CDC73: variants seen among roughly 807,000 people sequenced by gnomAD.
The protein encoded by CDC73 is cell division cycle 73.
Under a neutral mutation model 83.7 loss-of-function variants are expected in CDC73, and 21 were observed. That is an observed-to-expected ratio of 0.25 (90% CI 0.18 to 0.36). The LOEUF (loss-of-function observed/expected upper bound fraction) is 0.36, where lower values mean the gene tolerates loss of function less well. CDC73 is among the 10% of genes least tolerant of loss of function. The probability of loss-of-function intolerance (pLI) is 1.00; values close to 1 mark genes in which losing one functional copy is unlikely to be tolerated. For synonymous variants in CDC73, 224 were observed against 212.9 expected, an observed-to-expected ratio of 1.05 and a Z score of -0.45; for missense variants, 342 against 653.3, an observed-to-expected ratio of 0.52 and a Z score of 5.19.
rs977474352 is a variant in CDC73 at position 193,252,559 on chromosome 1, T to A, written c.*1847T>A. ...TTTATTTTTCTATTTTGAATTTGCC[T>A]TATGTATATTCAAAGGCTTATGGAA... On this transcript the variant is annotated 3_prime_UTR_variant, in exon 17 of 17. Transcript: ENST00000367435. 8.7e-6 allele frequency: 2 copies of A among 230,804 alleles called. No homozygotes were observed. The highest frequency in any genetic ancestry group is 1.7e-5 in the Non-Finnish European group (2 of 116,574). The allele number at this position is 230,804 out of a possible 1,614,324, so 14.3% of individuals were successfully genotyped here. A position where few individuals can be genotyped will look rare whatever the true frequency, so the allele number is the denominator to read the frequency against.
intron 10 of CDC73, among the ~76,000 whole-genome samples, chr1:193,196,304 G>T (rs115557172): frequency 4.6e-5 from 7 of 152,138 alleles, no homozygotes; most frequent in Admixed American, 4.6e-4. Flanking sequence ...GACCATATAC[G>T]TGTGAGGTTA....
rs750956927 is a variant in CDC73 at position 193,212,484 on chromosome 1, A to G, written c.1154+7A>G. 2.0e-6 allele frequency: 3 copies of G among 1,478,590 alleles called. No homozygotes were observed. The South Asian group carries it at 3.4e-5, about 17-fold the overall frequency. 91.6% of individuals were successfully genotyped at this position (1,478,590 alleles called of 1,614,324 possible). A position where few individuals can be genotyped will look rare whatever the true frequency, so the allele number is the denominator to read the frequency against. ...ACCTTCTACAGGACCTGAAGTAAGT[A>G]ATTTATTAAACTATCCTGTACGTAG... On this transcript the variant is annotated splice_region_variant and intron_variant, in intron 13 of 16. Transcript: ENST00000367435.
chr1:193,207,757 C>G (rs1677213168), intron 11 of CDC73, among the ~76,000 whole-genome samples: 1 of 152,182 alleles, frequency 6.6e-6, no homozygotes, highest in Admixed American at 6.5e-5. Flanking sequence ...TTCAAACACA[C>G]ATGTTTTACA....
chr1:193,235,742 A>C (rs1415117219), intron 14 of CDC73, among the ~76,000 whole-genome samples: 3 of 152,224 alleles, frequency 2.0e-5, no homozygotes, highest in Admixed American at 1.3e-4. Flanking sequence ...TTCTATACTC[A>C]GATTACTTCC....
intron 8 of CDC73, among the ~76,000 whole-genome samples, chr1:193,149,753 A>G (rs1676072584): frequency 6.6e-6 from 1 of 152,094 alleles, no homozygotes; most frequent in Non-Finnish European, 1.5e-5. Context: ...ATTCCTAAAT[A>G]TGTGTTTTTA....
At chr1:193,137,437 C>T (rs186585846) in intron 5 of CDC73, among the ~76,000 whole-genome samples, 73 of 152,248 alleles carry the variant, frequency 4.8e-4, no homozygotes, top group Non-Finnish European at 8.5e-4. Context: ...GGACATTAAA[C>T]TGGATCAGGG....
intron 11 of CDC73, among the ~76,000 whole-genome samples, chr1:193,204,585 G>T (rs372392643): frequency 6.6e-6 from 1 of 151,908 alleles, no homozygotes; most frequent in East Asian, 1.9e-4. Flanking sequence ...CACTGTGCCC[G>T]GCTGATATTC....
intron 10 of CDC73, among the ~76,000 whole-genome samples, chr1:193,162,517 C>T (rs1326331835): frequency 6.6e-6 from 1 of 151,100 alleles, no homozygotes; most frequent in African/African-American, 2.4e-5. Flanking sequence ...AGACTACAGG[C>T]GTGCACCACC....
At chr1:193,167,169 T>G (rs1286855488) in intron 10 of CDC73, among the ~76,000 whole-genome samples, 2 of 152,190 alleles carry the variant, frequency 1.3e-5, no homozygotes, top group Non-Finnish European at 2.9e-5. Context: ...TGGACTAAAT[T>G]TGCCCATCTG....
At chr1:193,142,669 C>T (rs759084229) in intron 7 of CDC73, among the ~76,000 whole-genome samples, 1 of 151,852 alleles carries the variant, frequency 6.6e-6, no homozygotes, top group Non-Finnish European at 1.5e-5. Flanking sequence ...CCCTCTCTTC[C>T]TCCTTCCCTC....
rs1342102599 is a variant in CDC73, at chr1:193,251,843, T to C, written c.*1131T>C. 3.9e-5 allele frequency: 9 copies of C among 231,314 alleles called. No homozygotes were observed. The highest frequency in any genetic ancestry group is 6.8e-5 in the Non-Finnish European group (8 of 116,900). The allele number at this position is 231,314 out of a possible 1,614,324, so 14.3% of individuals were successfully genotyped here. A position where few individuals can be genotyped will look rare whatever the true frequency, so the allele number is the denominator to read the frequency against. On this transcript the variant is annotated 3_prime_UTR_variant, in exon 17 of 17. Transcript: ENST00000367435. ...TTTGCCTTGAACCTTGATTTCACTT[T>C]GTTTTTTTTTTTTCCTTAAAGGCAA...
At chr1:193,222,646 G>A (rs1051963127) in intron 13 of CDC73, among the ~76,000 whole-genome samples, 8 of 151,822 alleles carry the variant, frequency 5.3e-5, no homozygotes, top group Admixed American at 1.3e-4. Context: ...AGCTAGATGC[G>A]GATTTCTTTT....
chr1:193,135,604 T>C lies in CDC73; in HGVS notation c.423+15T>C. The C allele has an allele frequency of 6.4e-7, 1 of 1,557,146 alleles. No individual in the cohort carries two copies. Among genetic ancestry groups the C allele is most frequent in the Non-Finnish European group, 8.8e-7 (1 of 1,132,498 alleles). The stretch of plus-strand genomic sequence containing the variant: ...CACGAATTGAGGTAAAGAAACTGTA[T>C]TTTAAACAATTTTATTTATATTGTT... On this transcript the variant is annotated intron_variant, in intron 5 of 16. Coordinates refer to ENST00000367435, the MANE Select transcript of CDC73 (RefSeq NM_024529.5).
intron 10 of CDC73, among the ~76,000 whole-genome samples, chr1:193,166,201 T>A (rs1269055835): frequency 6.6e-6 from 1 of 152,164 alleles, no homozygotes; most frequent in Non-Finnish European, 1.5e-5. Flanking sequence ...AGGGTCTTGC[T>A]CTGTCACCCA....
intron 2 of CDC73, among the ~76,000 whole-genome samples, chr1:193,128,638 A>G (rs1675631830): frequency 6.6e-6 from 1 of 152,184 alleles, no homozygotes; most frequent in Admixed American, 6.5e-5. Context: ...GCACAAAAAA[A>G]CTCTGCACTC....
At chr1:193,210,110 A>G (rs1044239524) in intron 11 of CDC73, among the ~76,000 whole-genome samples, 1 of 152,198 alleles carries the variant, frequency 6.6e-6, no homozygotes, top group African/African-American at 2.4e-5. Context: ...TTTCTCAGCA[A>G]GAAGAAAGAT....
rs562089502 is a variant in CDC73 at position 193,125,412 on chromosome 1, C to T, written c.237+195C>T. ...AGCCAGGACTGCAGGCCTGTGCCAC[C>T]GTATCTGGCTAATTTTTTTTGTTGT... is the stretch of plus-strand genomic sequence containing the variant. On this transcript the variant is annotated intron_variant, in intron 2 of 16. Transcript: ENST00000367435. 2.6e-5 allele frequency among the ~76,000 whole-genome samples: 4 copies of T among 152,130 alleles called. No homozygotes were observed. In the South Asian group the frequency reaches 6.2e-4, roughly 24 times the overall value.
chr1:193,231,834 T>G lies in CDC73; in HGVS notation c.1155-1159T>G, dbSNP rs563726624. Among the ~76,000 whole-genome samples the G allele has an allele frequency of 3.4e-4, 51 of 152,222 alleles. 1 individual carries two copies. Among genetic ancestry groups the G allele is most frequent in the Non-Finnish European group, 6.6e-4 (45 of 67,956 alleles). ...TAATTAGTGCAAGTTCTCCTGTGCT[T>G]TTTGGTCCTTTCACCCTTTCATCTC... On this transcript the variant is annotated intron_variant, in intron 13 of 16. Coordinates refer to ENST00000367435, the MANE Select transcript of CDC73 (RefSeq NM_024529.5).
chr1:193,231,428 C>G (rs1055745147), intron 13 of CDC73, among the ~76,000 whole-genome samples: 1 of 152,124 alleles, frequency 6.6e-6, no homozygotes, highest in Non-Finnish European at 1.5e-5. Flanking sequence ...AAACTTATAG[C>G]ACAATGTATT....
Sources: allele counts gnomAD v4.1 joint callset (sites outside exome capture counted in the v4.1 genomes callset), GRCh38; gene constraint gnomAD v4.1.1; transcripts MANE v1.5; gene names NCBI Gene and HGNC (gene_info 2026-07-23, HGNC 2026-07-21).